Variants in MYOM2 observed in about 807,000 individuals in gnomAD.
MYOM2 encodes the protein myomesin-2.
A neutral mutation model predicts 187.6 loss-of-function variants in MYOM2; 254 were observed. The observed-to-expected ratio is 1.35, with a 90% CI of 1.22 to 1.50. MYOM2 has a LOEUF of 1.50. MYOM2 is among the 40% of genes most tolerant of loss of function. MYOM2 has a pLI of 0.00. For missense variants in MYOM2, 2,796 were observed against 1,924.0 expected (o/e 1.45, Z -8.48); for synonymous variants, 981 against 753.8 (o/e 1.30, Z -4.94).
At chr8:2,120,706 T>A (rs1360821285) in intron 28 of MYOM2, among the ~76,000 whole-genome samples, 2 of 69,026 alleles carry the variant, frequency 2.9e-5, no homozygotes, top group Non-Finnish European at 6.1e-5. Context: ...AATATATATA[T>A]TTTAATTGCC....
intron 6 of MYOM2, among the ~76,000 whole-genome samples, chr8:2,067,714 G>A (rs1024709789): frequency 6.6e-6 from 1 of 151,428 alleles, no homozygotes; most frequent in African/African-American, 2.4e-5. Flanking sequence ...ACAGGTACTT[G>A]GGTTTTGTGA....
rs746211785 is a variant in MYOM2 at position 2,085,352 on chromosome 8, C to T, written c.1606C>T (p.Pro536Ser). The change falls in exon 14 of 37, where the codon CCC becomes TCC. Residue 536 changes from proline (P) to serine (S), a missense_variant. Physicochemically the swap from Pro to Ser is moderately conservative, Grantham distance 74. Coordinates refer to ENST00000262113, the MANE Select transcript of MYOM2 (RefSeq NM_003970.4). Reference sequence around the variant, plus strand: ...CGTCCTCAGCTGGGAGCCACCCACTCCCCGTGGCAAGGACCCGCTCATGTA... The same window carrying T: ...CGTCCTCAGCTGGGAGCCACCCACTTCCCGTGGCAAGGACCCGCTCATGTA... ...YVVLSWEPPT[P>S]RGKDPLMYFI... 2.5e-6 allele frequency: 4 copies of T among 1,613,786 alleles called. No individual in the cohort carries two copies. Among genetic ancestry groups the T allele is most frequent in the South Asian group, 1.1e-5 (1 of 91,084 alleles).
At chr8:2,072,846 G>A (rs1819282010) in intron 9 of MYOM2, among the ~76,000 whole-genome samples, 2 of 152,224 alleles carry the variant, frequency 1.3e-5, no homozygotes, top group Admixed American at 6.5e-5. Context: ...ACTATTTCTA[G>A]ACAGAAATGC....
intron 3 of MYOM2, among the ~76,000 whole-genome samples, chr8:2,056,459 G>A (rs1305122050): frequency 6.6e-6 from 1 of 151,898 alleles, no homozygotes; most frequent in Non-Finnish European, 1.5e-5. Context: ...AGGCCTGGCC[G>A]TGTTGGGGTG....
In MYOM2 at chr8:2,144,998, T is replaced by G. The variant is rs780093978; in HGVS notation, c.*17T>G. ...GGCCAGTGAAGGCGTTTTCCTAGCC[T>G]GGAGATGGGAAAATATGCTTGGCAG... is the stretch of plus-strand genomic sequence containing the variant. On this transcript the variant is annotated 3_prime_UTR_variant, in exon 37 of 37. Coordinates refer to ENST00000262113, the MANE Select transcript of MYOM2 (RefSeq NM_003970.4). The G allele has an allele frequency of 2.5e-6, 4 of 1,609,564 alleles. No individual in the cohort carries two copies. The highest frequency in any genetic ancestry group is 2.7e-5 in the African/African-American group (2 of 74,482).
intron 31 of MYOM2, among the ~76,000 whole-genome samples, chr8:2,126,043 TA>T (rs1219609493): frequency 6.6e-6 from 1 of 152,194 alleles, no homozygotes; most frequent in Admixed American, 6.5e-5. Flanking sequence ...TATTTTGTGT[TA>T]AAATATCTCA....
chr8:2,137,624 G>A (rs913359070), intron 32 of MYOM2, among the ~76,000 whole-genome samples: 1 of 152,072 alleles, frequency 6.6e-6, no homozygotes, highest in Non-Finnish European at 1.5e-5. Flanking sequence ...CAACAAGAGA[G>A]GGTGACAAGA....
chr8:2,072,668 G>A (rs529988648), intron 9 of MYOM2, among the ~76,000 whole-genome samples, 159 bp downstream of exon 9: 77 of 152,326 alleles, frequency 5.1e-4, no homozygotes, highest in African/African-American at 1.3e-3. Context: ...GTGGCCCACC[G>A]TTCGCCTTGA....
intron 25 of MYOM2, among the ~76,000 whole-genome samples, chr8:2,112,698 C>T (rs532648878): frequency 1.5e-4 from 23 of 152,202 alleles, no homozygotes; most frequent in South Asian, 8.3e-4. Flanking sequence ...AAAGCCTCTC[C>T]GGTGGCACTG....
intron 23 of MYOM2, among the ~76,000 whole-genome samples, chr8:2,108,078 C>T (rs1378486217): frequency 3.9e-5 from 6 of 152,240 alleles, no homozygotes; most frequent in Admixed American, 1.3e-4. Context: ...GCAGAAAAAT[C>T]TAACTTCATT....
At chr8:2,066,881 A>G (rs1005118511) in intron 6 of MYOM2, among the ~76,000 whole-genome samples, 1 of 152,220 alleles carries the variant, frequency 6.6e-6, no homozygotes, top group African/African-American at 2.4e-5. Context: ...CGTAGCTTCT[A>G]ATGAGTTCAG....
At chr8:2,067,744 A>G (rs936398326) in intron 6 of MYOM2, among the ~76,000 whole-genome samples, 34 of 99,448 alleles carry the variant, frequency 3.4e-4, no homozygotes, top group African/African-American at 1.2e-3. Flanking sequence ...TTCCTAAGTC[A>G]TGTTTTTTTT....
chr8:2,092,833 C>T (rs577768727), intron 16 of MYOM2, among the ~76,000 whole-genome samples: 3 of 152,232 alleles, frequency 2.0e-5, no homozygotes, highest in Middle Eastern at 3.4e-3. Flanking sequence ...ATAGTGACTA[C>T]GATGTGAAAG....
At position 2,076,225 on chromosome 8, in the gene MYOM2, C is replaced by G; in HGVS notation, c.1205C>G (p.Thr402Ser). 1 of 1,613,722 alleles carries G rather than the reference C, an allele frequency of 6.2e-7. No individual in the cohort carries two copies. Reference sequence around the variant, plus strand: ...GCCAACCGGGACTACGTCATCGTGACCTGGAAGCCGCCCAACACCACCACT... The same window carrying G: ...GCCAACCGGGACTACGTCATCGTGAGCTGGAAGCCGCCCAACACCACCACT... ...HDANRDYVIV[T>S]WKPPNTTTES... Residue 402 changes from threonine (T) to serine (S), a missense_variant, in exon 11 of 37, where the codon ACC (threonine) becomes AGC (serine). Transcript: ENST00000262113.
chr8:2,129,943 C>G (rs568556072), intron 32 of MYOM2, among the ~76,000 whole-genome samples: 9 of 152,306 alleles, frequency 5.9e-5, no homozygotes, highest in South Asian at 2.1e-4. Flanking sequence ...AAGTGGACTT[C>G]AGGTGGGTGG....
intron 23 of MYOM2, among the ~76,000 whole-genome samples, chr8:2,107,816 G>A (rs1315936328): frequency 1.3e-5 from 2 of 152,140 alleles, no homozygotes; most frequent in African/African-American, 2.4e-5. Flanking sequence ...ACATCCTGAA[G>A]GACTTCTGAA....
intron 1 of MYOM2, among the ~76,000 whole-genome samples, chr8:2,047,898 A>G (rs1818359678): frequency 1.3e-5 from 2 of 152,208 alleles, no homozygotes; most frequent in Admixed American, 6.5e-5. Context: ...TCAGTGATAC[A>G]TAGGTTGCAT....
At position 2,144,819 on chromosome 8, in the gene MYOM2, C is replaced by T. The variant is rs1435357690; in HGVS notation, c.4236C>T (p.Asp1412=). 5 of 1,614,166 alleles carry T rather than the reference C, an allele frequency of 3.1e-6. No homozygotes were observed. The highest frequency in any genetic ancestry group is 3.4e-6 in the Non-Finnish European group (4 of 1,180,032). Residue 1412 remains aspartate (D), a synonymous_variant, in exon 37 of 37, where the codon GAC becomes GAT. Transcript: ENST00000262113. Reference sequence around the variant, plus strand: ...CCATCAAAGGCGTGACCTCCGAGGACTCGGGCAAGTACAGCATCAACATCA... The same window carrying T: ...CCATCAAAGGCGTGACCTCCGAGGATTCGGGCAAGTACAGCATCAACATCA... ...SMTIKGVTSE[D]SGKYSINIKN... is the part of the protein sequence containing the mutation.
At chr8:2,055,177 G>A (rs2033909) in intron 3 of MYOM2, among the ~76,000 whole-genome samples, 39,809 of 149,566 alleles carry the variant, frequency 0.27, 6,180 homozygotes, top group Non-Finnish European at 0.33. Flanking sequence ...TGGATACTGG[G>A]GCAATGAAGA....
Sources: gnomAD v4.1 joint callset for allele counts (sites outside exome capture counted in the v4.1 genomes callset) on GRCh38, gnomAD v4.1.1 for gene constraint, MANE v1.5 for transcripts, NCBI Gene and HGNC (gene_info 2026-07-23, HGNC 2026-07-21) for gene names.